The following GPR160 variants were observed in gnomAD, a reference collection of about 807,000 sequenced individuals.
GPR160 encodes the protein G protein-coupled receptor 160, also known as probable G protein-coupled receptor 160.
GPR160 carries 2 observed loss-of-function variants against 2.6 expected under a neutral mutation model. The observed-to-expected ratio is 0.77, with a 90% confidence interval of 0.32 to 2.44. GPR160 has a LOEUF of 2.44. Among genes scored for constraint, GPR160 ranks in the 30% most tolerant of loss-of-function variants. GPR160 has a pLI of 0.11. For missense variants in GPR160, 351 were observed against 383.6 expected (o/e 0.91, Z 0.71); for synonymous variants, 130 against 132.2 (o/e 0.98, Z 0.12).
At chr3:170,043,460 G>A (rs949172163) in intron 2 of GPR160, among the ~76,000 whole-genome samples, 2 of 152,118 alleles carry the variant, frequency 1.3e-5, no homozygotes, top group African/African-American at 2.4e-5. Flanking sequence ...TGGGATTAAG[G>A]TGTGATCCAC....
In GPR160 at chr3:170,062,545, G is replaced by A. The variant is rs1413798711; in HGVS notation, c.-192-17229G>A. The A allele has an allele frequency of 1.1e-5, 8 of 704,464 alleles. No individual in the cohort carries two copies. The Admixed American group carries it at 1.5e-4, about 13-fold the overall frequency. 43.6% of individuals were successfully genotyped at this position (704,464 alleles called of 1,614,324 possible). A position where few individuals can be genotyped will look rare whatever the true frequency, so the allele number is the denominator to read the frequency against. On this transcript the variant is annotated intron_variant, in intron 2 of 3. Transcript: ENST00000355897. ...CGGAGCACGAAGCCCAAGCACAGAA[G>A]ATCAAAGACGCCAGGAGAGGACCCC...
At chr3:170,080,075 T>C (rs895398104) in intron 3 of GPR160, among the ~76,000 whole-genome samples, 178 bp downstream of exon 3, 2 of 152,212 alleles carry the variant, frequency 1.3e-5, no homozygotes, top group Non-Finnish European at 2.9e-5. Context: ...AGGTTGCATA[T>C]GAGTTCATTC....
chr3:170,044,206 C>G (rs1375024712), intron 2 of GPR160, among the ~76,000 whole-genome samples: 1 of 150,912 alleles, frequency 6.6e-6, no homozygotes, highest in South Asian at 2.1e-4. Context: ...TGCCTGTAAT[C>G]CCAGCTACTT....
chr3:170,062,725 G>C lies in GPR160; in HGVS notation c.-192-17049G>C, dbSNP rs184283543. 25 of 1,248,578 alleles carry C rather than the reference G, an allele frequency of 2.0e-5. No homozygotes were observed. In the Middle Eastern group the frequency reaches 7.6e-4, roughly 38 times the overall value. 77.3% of individuals were successfully genotyped at this position (1,248,578 alleles called of 1,614,324 possible). ...CCGAAAAAAAGCTCAAGGAAAAGTCGCAAACTCACGGATTTCTACCCTGTC... is the reference window on the plus strand; with the variant it reads ...CCGAAAAAAAGCTCAAGGAAAAGTCCCAAACTCACGGATTTCTACCCTGTC... On this transcript the variant is annotated intron_variant, in intron 2 of 3. Coordinates refer to ENST00000355897, the MANE Select transcript of GPR160 (RefSeq NM_014373.3).
In GPR160 at chr3:170,084,025, CA is replaced by C; in HGVS notation, c.56del (p.Asn19ThrfsTer4). 1 of 1,560,162 alleles carries C rather than the reference CA, an allele frequency of 6.4e-7. No homozygotes were observed. ...NCSFQYQLRQTNQPLDVNYLL... is the reference protein window; with the variant it reads ...NCSFQYQLRQXNQPLDVNYLL... Reference sequence around the variant, plus strand: ...TCTTTTCAGTACCAGTTACGTCAAACAAACCAGCCCCTAGATGTTAACTATC... The same window carrying C: ...TCTTTTCAGTACCAGTTACGTCAAACAACCAGCCCCTAGATGTTAACTATC... On this transcript the variant is annotated frameshift_variant, in exon 4 of 4. Transcript: ENST00000355897. LOFTEE classifies it low-confidence loss of function (END_TRUNC).
intron 2 of GPR160, among the ~76,000 whole-genome samples, chr3:170,073,463 G>A (rs1230695760): frequency 1.3e-5 from 2 of 152,058 alleles, no homozygotes; most frequent in Admixed American, 6.5e-5. Flanking sequence ...AGTTAGGGAC[G>A]TGACCTTCTA....
At chr3:170,059,760 G>A (rs752948792) in intron 2 of GPR160, among the ~76,000 whole-genome samples, 2 of 152,032 alleles carry the variant, frequency 1.3e-5, no homozygotes, top group African/African-American at 2.4e-5. Context: ...TGCCATGGTG[G>A]TTTGCTGTAC....
At chr3:170,051,402 A>G (rs142623920) in intron 2 of GPR160, among the ~76,000 whole-genome samples, 1,744 of 152,320 alleles carry the variant, frequency 0.011, 37 homozygotes, top group African/African-American at 0.04. Context: ...ATTTTAAGGT[A>G]TATATCTGGA....
intron 2 of GPR160, among the ~76,000 whole-genome samples, chr3:170,049,185 G>A (rs1281373784): frequency 6.6e-6 from 1 of 152,142 alleles, no homozygotes; most frequent in African/African-American, 2.4e-5. Context: ...CCTATGAGAA[G>A]CCCTGCTACA....
intron 2 of GPR160, among the ~76,000 whole-genome samples, chr3:170,068,007 GTC>G (rs947044278): frequency 9.8e-5 from 15 of 152,294 alleles, no homozygotes; most frequent in African/African-American, 3.6e-4. Flanking sequence ...ATGTCTGGTT[GTC>G]TCTCCTGTTG....
At chr3:170,056,971 A>G (rs1711673541) in intron 2 of GPR160, among the ~76,000 whole-genome samples, 1 of 152,218 alleles carries the variant, frequency 6.6e-6, no homozygotes, top group South Asian at 2.1e-4. Context: ...TCATTTCATA[A>G]CTGGCAATAC....
intron 2 of GPR160, among the ~76,000 whole-genome samples, chr3:170,064,658 A>G (rs533947476): frequency 2.0e-5 from 3 of 151,372 alleles, no homozygotes; most frequent in African/African-American, 7.3e-5. Context: ...AGCTGGGACT[A>G]CAGGCACATG....
chr3:170,053,606 G>A (rs1711507343), intron 2 of GPR160, among the ~76,000 whole-genome samples: 4 of 152,038 alleles, frequency 2.6e-5, no homozygotes, highest in Admixed American at 2.6e-4. Context: ...CTTACTGAAT[G>A]GGCTAGGATA....
Position 170,084,150 on chromosome 3 carries a change from A to G in GPR160, c.178A>G (p.Ile60Val). The change falls in exon 4 of 4, where the codon ATT (isoleucine) becomes GTT (valine). Residue 60 changes from isoleucine (I) to valine (V), a missense_variant. Ile to Val is a conservative substitution (Grantham distance 29). Coordinates refer to ENST00000355897, the MANE Select transcript of GPR160 (RefSeq NM_014373.3). ...TCAAAATTTTATGGAATATTTTTGC[A>G]TTTCACTAGCATTCGTTGATCTTTT... ...TCQNFMEYFC[I>V]SLAFVDLLLL... is the part of the protein sequence containing the mutation. 6.3e-7 allele frequency: 1 copy of G among 1,591,930 alleles called. No homozygotes were observed. The highest frequency in any genetic ancestry group is 1.8e-5 in the Admixed American group (1 of 55,522).
At chr3:170,053,360 CTTATT>C (rs1015165768) in intron 2 of GPR160, among the ~76,000 whole-genome samples, 3 of 151,850 alleles carry the variant, frequency 2.0e-5, no homozygotes, top group Non-Finnish European at 2.9e-5. Flanking sequence ...CAAATTTATT[CTTATT>C]TTATGTTTTT....
chr3:170,072,178 G>T (rs1009643171), intron 2 of GPR160, among the ~76,000 whole-genome samples: 1 of 148,522 alleles, frequency 6.7e-6, no homozygotes, highest in East Asian at 2.0e-4. Flanking sequence ...GGGTTCAAGC[G>T]ATTCTCCTTC....
At position 170,084,246 on chromosome 3, in the gene GPR160, TA is replaced by T. The variant is rs1354983243; in HGVS notation, c.275del (p.Tyr92SerfsTer23). The T allele has an allele frequency of 6.2e-7, 1 of 1,607,900 alleles. No homozygotes were observed. The highest frequency in any genetic ancestry group is 8.5e-7 in the Non-Finnish European group (1 of 1,175,388). On this transcript the variant is annotated frameshift_variant, in exon 4 of 4. Transcript: ENST00000355897. LOFTEE classifies it low-confidence loss of function (END_TRUNC). ...FVLLSIRFTK[Y>X]HICLFTQIIS... Reference sequence around the variant, plus strand: ...ACTTTTAAGCATTAGGTTCACTAAATACCACATCTGCCTATTTACTCAAATT... The same window carrying T: ...ACTTTTAAGCATTAGGTTCACTAAATCCACATCTGCCTATTTACTCAAATT...
chr3:170,042,846 A>AT (rs1478678357), intron 2 of GPR160, among the ~76,000 whole-genome samples: 1 of 149,090 alleles, frequency 6.7e-6, no homozygotes, highest in African/African-American at 2.5e-5. Context: ...AAAAAAAAAA[A>AT]AAAGAATTCA....
At chr3:170,053,705 A>C (rs1711508376) in intron 2 of GPR160, among the ~76,000 whole-genome samples, 1 of 152,204 alleles carries the variant, frequency 6.6e-6, no homozygotes, top group African/African-American at 2.4e-5. Flanking sequence ...TTCACACTTA[A>C]GTATAATGAT....
Sources: allele counts gnomAD v4.1 joint callset (sites outside exome capture counted in the v4.1 genomes callset), GRCh38; gene constraint gnomAD v4.1.1; transcripts MANE v1.5; gene names NCBI Gene and HGNC (gene_info 2026-07-23, HGNC 2026-07-21).